Variants in IPO11 observed in about 807,000 individuals in gnomAD.
IPO11 encodes the protein importin 11, also known as importin-11.
Under a neutral mutation model 143.2 loss-of-function variants are expected in IPO11, and 66 were observed. That is an observed-to-expected ratio of 0.46 (90% confidence interval 0.38 to 0.57). The LOEUF (loss-of-function observed/expected upper bound fraction) is 0.57, where lower values mean the gene tolerates loss of function less well. Ranked by LOEUF, IPO11 falls within the 20% of genes least tolerant of loss-of-function variation. The pLI is 0.00. For synonymous variants in IPO11, 385 were observed against 377.8 expected, an observed-to-expected ratio of 1.02 and a Z score of -0.22; for missense variants, 1,026 against 1,141.0, an observed-to-expected ratio of 0.90 and a Z score of 1.45.
intron 1 of IPO11, among the ~76,000 whole-genome samples, chr5:62,436,449 T>G (rs1032358435): frequency 4.6e-5 from 7 of 152,222 alleles, no homozygotes; most frequent in Admixed American, 2.6e-4. Flanking sequence ...TCTGTCAATA[T>G]TTTTAGCTTT....
At chr5:62,471,984 T>G (rs1316850675) in intron 7 of IPO11, among the ~76,000 whole-genome samples, 1 of 152,214 alleles carries the variant, frequency 6.6e-6, no homozygotes, top group Non-Finnish European at 1.5e-5. Context: ...TGCTGAAAGA[T>G]AATGTCAAGC....
chr5:62,578,714 C>T lies in IPO11; in HGVS notation c.2583-12863C>T, dbSNP rs1252784464. On this transcript the variant is annotated intron_variant, in intron 27 of 29. Coordinates refer to ENST00000325324, the MANE Select transcript of IPO11 (RefSeq NM_016338.5). ...CTTCCTGTCTCTTAGCTTCCTGTAT[C>T]CATGGCAACCTCTGTTTTACACATT... 5 of 469,472 alleles carry T rather than the reference C, an allele frequency of 1.1e-5. No individual in the cohort carries two copies. In the Admixed American group the frequency reaches 1.2e-4, roughly 11 times the overall value. The allele number at this position is 469,472 out of a possible 1,614,324, so 29.1% of individuals were successfully genotyped here.
chr5:62,531,070 A>C (rs1177457696), intron 22 of IPO11, among the ~76,000 whole-genome samples: 1 of 152,042 alleles, frequency 6.6e-6, no homozygotes, highest in Non-Finnish European at 1.5e-5. Context: ...TTTTGCCATG[A>C]TTATGTCCTT....
At chr5:62,501,100 G>A (rs979633593) in intron 16 of IPO11, among the ~76,000 whole-genome samples, 7 of 152,164 alleles carry the variant, frequency 4.6e-5, no homozygotes, top group Non-Finnish European at 7.4e-5. Flanking sequence ...TATTTACTGT[G>A]GGAAGTACAG....
Position 62,537,236 on chromosome 5 carries a change from T to G in IPO11, c.2197T>G (p.Phe733Val), listed in dbSNP as rs1742765472. 6.2e-7 allele frequency: 1 copy of G among 1,607,160 alleles called. No individual in the cohort carries two copies. Among genetic ancestry groups the G allele is most frequent in the African/African-American group, 1.3e-5 (1 of 74,798 alleles). ...ATACGCAGTAGGTCTATGCCAGTCCTTTTGTGAACTTTTAAAGGAAATTAC... is the reference window on the plus strand; with the variant it reads ...ATACGCAGTAGGTCTATGCCAGTCCGTTTGTGAACTTTTAAAGGAAATTAC... ...QTYAVGLCQS[F>V]CELLKEITTE... The change falls in exon 24 of 30, where the codon TTT (phenylalanine) becomes GTT (valine). Residue 733 changes from phenylalanine to valine, a missense_variant. Physicochemically the swap from Phe to Val is conservative, Grantham distance 50. Around this residue, in one of 5 missense-constraint regions of IPO11, gnomAD observed 351 missense variants for 358.9 expected, o/e 0.98. Transcript: ENST00000325324.
intron 28 of IPO11, among the ~76,000 whole-genome samples, chr5:62,600,897 A>T (rs1371290712): frequency 6.6e-6 from 1 of 152,226 alleles, no homozygotes; most frequent in Admixed American, 6.5e-5. Flanking sequence ...ACTTGTTTCC[A>T]CTGCAAGAAT....
At position 62,456,607 on chromosome 5, in the gene IPO11, C is replaced by T. The variant is rs146181627; in HGVS notation, c.516+4674C>T. Among the ~76,000 whole-genome samples, 1,385 of 152,276 alleles carry T rather than the reference C, an allele frequency of 9.1e-3. 7 individuals carry two copies. Among genetic ancestry groups the T allele is most frequent in the Middle Eastern group, 0.017 (5 of 294 alleles). On this transcript the variant is annotated intron_variant, in intron 5 of 29. Coordinates refer to ENST00000325324, the MANE Select transcript of IPO11 (RefSeq NM_016338.5). ...AAGTAGCTGGGACCACAGGCACGTA[C>T]GACGATGCCCGGCCTGGATATTAGG...
At chr5:62,610,574 TCA>T (rs779090704) in intron 29 of IPO11, among the ~76,000 whole-genome samples, 6 of 152,214 alleles carry the variant, frequency 3.9e-5, no homozygotes, top group Non-Finnish European at 8.8e-5. Flanking sequence ...GTGCAAATCC[TCA>T]CACTCCATTC....
rs1180675586 is a variant in IPO11, at chr5:62,443,052, A to C, written c.208A>C (p.Ile70Leu). The change falls in exon 3 of 30, where the codon ATT becomes CTT. Residue 70 changes from isoleucine to leucine, a missense_variant. Transcript: ENST00000325324. ...TGCTGTACTGTATTTTAAACATGGA[A>C]TTGATCGCTACTGGAGACGTGTAGC... ...WLAVLYFKHG[I>L]DRYWRRVAPH... 2.5e-6 allele frequency: 4 copies of C among 1,612,230 alleles called. No homozygotes were observed. The highest frequency in any genetic ancestry group is 3.4e-6 in the Non-Finnish European group (4 of 1,178,836).
At chr5:62,515,301 A>C (rs1442616259) in intron 19 of IPO11, 87 bp from the exon 20 acceptor site, 1 of 754,052 alleles carries the variant, frequency 1.3e-6, no homozygotes, top group East Asian at 2.6e-5. Context: ...GCTGTCTGGG[A>C]CTTAATAGTG....
At chr5:62,561,368 T>A (rs1743765818) in intron 27 of IPO11, 111 bp downstream of exon 27, 1 of 493,616 alleles carries the variant, frequency 2.0e-6, no homozygotes, top group Non-Finnish European at 3.2e-6. Context: ...TTTATATATA[T>A]GGATGTGAAT....
At chr5:62,579,364 T>C (rs1744451411) in intron 27 of IPO11, 2 of 1,368,544 alleles carry the variant, frequency 1.5e-6, no homozygotes, top group Admixed American at 2.0e-5. Flanking sequence ...TTTGATGAAG[T>C]TTTCGTGATT....
chr5:62,495,248 T>G (rs1239431881), intron 16 of IPO11, among the ~76,000 whole-genome samples: 2 of 152,236 alleles, frequency 1.3e-5, no homozygotes, highest in African/African-American at 4.8e-5. Context: ...CTTAGAAATT[T>G]ATTAATATAA....
intron 24 of IPO11, among the ~76,000 whole-genome samples, chr5:62,546,608 CACA>C (rs1743201578): frequency 7.0e-6 from 1 of 143,314 alleles, no homozygotes; most frequent in African/African-American, 2.7e-5. Context: ...AAAAAAAAAC[CACA>C]CACACACAAT....
chr5:62,525,661 G>A (rs967576118), intron 20 of IPO11, among the ~76,000 whole-genome samples: 9 of 152,220 alleles, frequency 5.9e-5, no homozygotes, highest in African/African-American at 2.2e-4. Flanking sequence ...TGGGATGATA[G>A]GCATGAGCCA....
intron 3 of IPO11, among the ~76,000 whole-genome samples, chr5:62,448,759 A>T (rs185629613): frequency 6.6e-6 from 1 of 151,942 alleles, no homozygotes. Context: ...GGATCTTGCT[A>T]TGTTGCCCAG....
chr5:62,566,983 A>G (rs1002571851), intron 27 of IPO11, among the ~76,000 whole-genome samples: 4 of 152,014 alleles, frequency 2.6e-5, no homozygotes, highest in African/African-American at 9.7e-5. Flanking sequence ...ATGGACCACC[A>G]TACCCAGCTG....
chr5:62,509,864 T>A (rs1172197444), intron 19 of IPO11, among the ~76,000 whole-genome samples: 1 of 152,240 alleles, frequency 6.6e-6, no homozygotes, highest in African/African-American at 2.4e-5. Context: ...ATGGTAGTGC[T>A]AATAATTTCT....
chr5:62,521,494 T>C (rs1742198767), intron 20 of IPO11, among the ~76,000 whole-genome samples: 1 of 152,158 alleles, frequency 6.6e-6, no homozygotes, highest in Non-Finnish European at 1.5e-5. Context: ...TCTGGCAACT[T>C]GTGTGATCAT....
Sources: allele counts gnomAD v4.1 joint callset (sites outside exome capture counted in the v4.1 genomes callset), GRCh38; gene constraint gnomAD v4.1.1; regional missense constraint gnomAD v4.1.1; transcripts MANE v1.5; gene names NCBI Gene and HGNC (gene_info 2026-07-23, HGNC 2026-07-21).